C2orf74: variants seen among roughly 807,000 people sequenced by gnomAD.
C2orf74 encodes the protein DPM1 ER membrane anchor 1.
A neutral mutation model predicts 17.9 loss-of-function variants in C2orf74; 14 were observed. The observed-to-expected ratio is 0.78, with a 90% confidence interval of 0.52 to 1.22. The LOEUF (loss-of-function observed/expected upper bound fraction) is 1.22, where lower values mean the gene tolerates loss of function less well. C2orf74 is among the 50% of genes most tolerant of loss of function. The pLI is 0.00. For synonymous variants in C2orf74, 79 were observed against 72.6 expected (o/e 1.09, Z -0.44); for missense variants, 217 against 218.4 (o/e 0.99, Z 0.04).
upstream of C2orf74, chr2:61,157,733 G>A (rs1685433675): frequency 2.5e-6 from 1 of 394,156 alleles, no homozygotes; most frequent in South Asian, 1.9e-5. Context: ...TTGAACTGTG[G>A]ACTATCCTGA....
chr2:61,147,679 A>G (rs1685110114), intron 1 of C2orf74, among the ~76,000 whole-genome samples: 1 of 151,968 alleles, frequency 6.6e-6, no homozygotes, highest in Non-Finnish European at 1.5e-5. Context: ...CCTTTTTTAT[A>G]GGCGTTTTAA....
chr2:61,154,121 C>T (rs1685323187), intron 1 of C2orf74, among the ~76,000 whole-genome samples: 4 of 151,580 alleles, frequency 2.6e-5, no homozygotes, highest in Admixed American at 1.3e-4. Context: ...TGCCTGTAAT[C>T]CAGTCGGGAG....
intron 1 of C2orf74, among the ~76,000 whole-genome samples, chr2:61,148,727 G>GT (rs1189658203): frequency 1.3e-5 from 2 of 151,768 alleles, no homozygotes; most frequent in Non-Finnish European, 1.5e-5. Context: ...CTTGTCTTTT[G>GT]TTTTTTTGAG....
chr2:61,147,256 C>T (rs555061447), intron 1 of C2orf74, among the ~76,000 whole-genome samples: 230 of 151,354 alleles, frequency 1.5e-3, no homozygotes, highest in Non-Finnish European at 2.9e-3. Flanking sequence ...TCTCTGTTGC[C>T]GAGACTGCAC....
At chr2:61,156,055 C>T (rs1389617469) in intron 1 of C2orf74, among the ~76,000 whole-genome samples, 1 of 151,030 alleles carries the variant, frequency 6.6e-6, no homozygotes, top group Non-Finnish European at 1.5e-5. Flanking sequence ...AAAAATTAGC[C>T]AGGCATGGTG....
chr2:61,158,118 A>G (rs966290062), upstream of C2orf74: 1 of 408,352 alleles, frequency 2.4e-6, no homozygotes, highest in Non-Finnish European at 5.0e-6. Context: ...CTCCAAAGAG[A>G]ACCCCTGCTC....
At chr2:61,161,519 G>A (rs1203602630), upstream of C2orf74, among the ~76,000 whole-genome samples, 1 of 152,182 alleles carries the variant, frequency 6.6e-6, no homozygotes, top group African/African-American at 2.4e-5. Flanking sequence ...TTCTGTTAAT[G>A]TGATGTTTTA....
chr2:61,161,395 A>G (rs2103643756), upstream of C2orf74, among the ~76,000 whole-genome samples: 1 of 152,264 alleles, frequency 6.6e-6, no homozygotes, highest in Non-Finnish European at 1.5e-5. Context: ...ATGTTGAGGT[A>G]GTTTACTTCT....
At chr2:61,164,250 C>G (rs1685661199) in intron 4 of C2orf74, 104 bp from the exon 5 acceptor site, 9 of 925,376 alleles carry the variant, frequency 9.7e-6, no homozygotes, top group Non-Finnish European at 1.4e-5. Context: ...TTTAGAAATG[C>G]TTTTTCTGTT....
chr2:61,160,302 G>A (rs572223517), upstream of C2orf74, among the ~76,000 whole-genome samples: 12 of 151,772 alleles, frequency 7.9e-5, 1 homozygote, highest in South Asian at 2.3e-3. Context: ...CTGGGATTAC[G>A]GGCACCTGCC....
At position 61,164,777 on chromosome 2, in the gene C2orf74, C is replaced by G; in HGVS notation, c.*250C>G. The G allele has an allele frequency of 3.2e-6, 1 of 314,160 alleles. No individual in the cohort carries two copies. The highest frequency in any genetic ancestry group is 2.2e-5 in the African/African-American group (1 of 46,004). 19.5% of individuals were successfully genotyped at this position (314,160 alleles called of 1,614,324 possible). ...TTGATTGTATTGCCCTTAAAACTAT[C>G]TACTCAAACACTGTTCTGGCATGTG... On this transcript the variant is annotated 3_prime_UTR_variant, in exon 5 of 5. Coordinates refer to ENST00000432605, the MANE Select transcript of C2orf74 (RefSeq NM_001143959.4).
At chr2:61,153,122 TG>T (rs1285630585) in intron 1 of C2orf74, among the ~76,000 whole-genome samples, 1 of 131,428 alleles carries the variant, frequency 7.6e-6, no homozygotes, top group Non-Finnish European at 1.6e-5. Flanking sequence ...ATTGCACTCC[TG>T]GGCAACAAGA....
intron 1 of C2orf74, among the ~76,000 whole-genome samples, chr2:61,154,549 G>A (rs898313562): frequency 2.0e-5 from 3 of 152,172 alleles, no homozygotes; most frequent in Non-Finnish European, 4.4e-5. Flanking sequence ...ACTGATTTAA[G>A]ATATTAATAA....
At chr2:61,145,219 GT>G (rs1685032727) in intron 1 of C2orf74, 1 of 152,178 alleles carries the variant, frequency 6.6e-6, no homozygotes, top group Non-Finnish European at 1.5e-5. Flanking sequence ...TATAACAGGA[GT>G]TTTAGCGTCA....
intron 1 of C2orf74, among the ~76,000 whole-genome samples, chr2:61,145,415 T>C (rs949818156): frequency 3.9e-5 from 6 of 152,100 alleles, no homozygotes; most frequent in African/African-American, 1.4e-4. Flanking sequence ...TGCATGTTTT[T>C]GTGTTTTTTA....
upstream of C2orf74, chr2:61,162,167 G>C (rs1485990271): frequency 4.8e-5 from 12 of 252,380 alleles, no homozygotes; most frequent in South Asian, 3.1e-4. Context: ...ATGGGGAGCT[G>C]GGCTCAGCTC....
chr2:61,162,933 A>G lies in C2orf74; in HGVS notation c.187A>G (p.Ser63Gly), dbSNP rs375235998. 1.2e-5 allele frequency: 18 copies of G among 1,552,592 alleles called. No individual in the cohort carries two copies. Among genetic ancestry groups the G allele is most frequent in the Middle Eastern group, 3.3e-4 (2 of 5,998 alleles). ...CTGTGCAGCTGCCAAAGTGGTGACA[A>G]GCAATCCAGAGGACCATGAAAGGCG... ...VDCAAAKVVTSNPEDHERILM... is the reference protein window; with the variant it reads ...VDCAAAKVVTGNPEDHERILM... Residue 63 changes from serine (S) to glycine (G), a missense_variant, in exon 3 of 5, where the codon AGC becomes GGC. By Grantham distance (56) the Ser-to-Gly change is moderately conservative (BLOSUM62 0). Coordinates refer to ENST00000432605, the MANE Select transcript of C2orf74 (RefSeq NM_001143959.4).
At chr2:61,160,133 C>G (rs898146547), upstream of C2orf74, among the ~76,000 whole-genome samples, 1 of 151,506 alleles carries the variant, frequency 6.6e-6, no homozygotes, top group Non-Finnish European at 1.5e-5. Context: ...AAAATTCTTC[C>G]AAGTTGTAAC....
In C2orf74 at chr2:61,162,453, C is replaced by A; in HGVS notation, c.-62C>A. The A allele has an allele frequency of 8.1e-7, 1 of 1,234,870 alleles. No homozygotes were observed. The highest frequency in any genetic ancestry group is 1.1e-6 in the Non-Finnish European group (1 of 877,614). The allele number at this position is 1,234,870 out of a possible 1,614,324, so 76.5% of individuals were successfully genotyped here. Reference sequence around the variant, plus strand: ...ACAAGAGAACTGCATTCAAATTGAGCTGGAAAAGAATATTTGGACAGTCTG... The same window carrying A: ...ACAAGAGAACTGCATTCAAATTGAGATGGAAAAGAATATTTGGACAGTCTG... On this transcript the variant is annotated 5_prime_UTR_variant, in exon 2 of 5. The change creates a new upstream start codon in the 5' untranslated region. Coordinates refer to ENST00000432605, the MANE Select transcript of C2orf74 (RefSeq NM_001143959.4).
Sources: allele counts gnomAD v4.1 joint callset (sites outside exome capture counted in the v4.1 genomes callset), GRCh38; gene constraint gnomAD v4.1.1; transcripts MANE v1.5; gene names NCBI Gene and HGNC (gene_info 2026-07-23, HGNC 2026-07-21).